NCOA7: variants seen among roughly 807,000 people sequenced by gnomAD.
NCOA7 encodes the protein nuclear receptor coactivator 7.
In NCOA7, 45 loss-of-function variants were observed where a neutral mutation model predicts 104.3. The observed-to-expected ratio is 0.43, with a 90% CI of 0.34 to 0.55. The LOEUF (loss-of-function observed/expected upper bound fraction) is 0.55. Ranked by LOEUF, NCOA7 falls within the 20% of genes least tolerant of loss-of-function variation. The pLI is 0.02. For missense variants in NCOA7, 1,041 were observed against 1,119.7 expected, an observed-to-expected ratio of 0.93 and a Z score of 1.00; for synonymous variants, 398 against 402.3, an observed-to-expected ratio of 0.99 and a Z score of 0.13.
In NCOA7 at chr6:125,890,675, C is replaced by G. The variant is rs145818990; in HGVS notation, c.1961C>G (p.Thr654Ser). ...CCTTCAAAAGAAGAAAAAAGCAAGA[C>G]CCCACCCATGTTCCTGTGCATCAAA... ...ILPSKEEKSKTPPMFLCIKVG... is the reference protein window; with the variant it reads ...ILPSKEEKSKSPPMFLCIKVG... Residue 654 changes from threonine to serine, a missense_variant, in exon 10 of 16, where the codon ACC (threonine) becomes AGC (serine). Physicochemically the swap from Thr to Ser is moderately conservative, Grantham distance 58. Transcript: ENST00000392477. The G allele has an allele frequency of 6.2e-7, 1 of 1,613,188 alleles. No homozygotes were observed. Among genetic ancestry groups the G allele is most frequent in the Non-Finnish European group, 8.5e-7 (1 of 1,179,588 alleles).
intron 10 of NCOA7, among the ~76,000 whole-genome samples, chr6:125,902,866 A>G (rs1223049437): frequency 6.6e-6 from 1 of 152,228 alleles, no homozygotes; most frequent in Non-Finnish European, 1.5e-5. Flanking sequence ...TCTGTTTCTC[A>G]TGCATTAAAT....
chr6:125,794,452 C>T (rs1375400129), intron 1 of NCOA7, among the ~76,000 whole-genome samples: 2 of 152,160 alleles, frequency 1.3e-5, no homozygotes, highest in Non-Finnish European at 2.9e-5. Flanking sequence ...TGGTCTTGAG[C>T]TTCTGTTCTA....
intron 2 of NCOA7, among the ~76,000 whole-genome samples, chr6:125,854,324 A>T (rs1781372763): frequency 6.6e-6 from 1 of 152,218 alleles, no homozygotes; most frequent in African/African-American, 2.4e-5. Context: ...TCAGTGAATT[A>T]TGCTAACTTT....
intron 3 of NCOA7, among the ~76,000 whole-genome samples, chr6:125,872,771 G>T (rs1783041410): frequency 6.6e-6 from 1 of 152,144 alleles, no homozygotes; most frequent in Admixed American, 6.5e-5. Context: ...GTAAAATATG[G>T]TGATTGCACT....
At chr6:125,815,463 T>G (rs1777502281) in intron 2 of NCOA7, 59 bp downstream of exon 2, 1 of 1,401,824 alleles carries the variant, frequency 7.1e-7, no homozygotes, top group Non-Finnish European at 1.0e-6. Context: ...TGAGGGGACT[T>G]TGTCCTCAAG....
chr6:125,836,935 A>G (rs1280505610), intron 2 of NCOA7, among the ~76,000 whole-genome samples: 1 of 152,234 alleles, frequency 6.6e-6, no homozygotes, highest in African/African-American at 2.4e-5. Flanking sequence ...CATATTAAGT[A>G]TGAAGAAACA....
At chr6:125,922,934 A>C in intron 13 of NCOA7, 100 bp downstream of exon 13, 1 of 1,114,694 alleles carries the variant, frequency 9.0e-7, no homozygotes, top group South Asian at 2.0e-5. Flanking sequence ...CCCAGATTCC[A>C]CAGTTAACAG....
intron 2 of NCOA7, among the ~76,000 whole-genome samples, chr6:125,840,912 A>T (rs1201185604): frequency 2.4e-4 from 7 of 28,616 alleles, no homozygotes; most frequent in East Asian, 2.1e-3. Flanking sequence ...TTTTTTTTTG[A>T]GACAGAGTCT....
chr6:125,788,510 C>A (rs576874568), upstream of NCOA7, among the ~76,000 whole-genome samples: 22 of 150,890 alleles, frequency 1.5e-4, no homozygotes, highest in East Asian at 3.9e-3. Context: ...AAGATGGATT[C>A]TTACATTCCT....
intron 1 of NCOA7, among the ~76,000 whole-genome samples, chr6:125,784,861 C>T (rs567444729): frequency 2.0e-5 from 3 of 152,054 alleles, no homozygotes; most frequent in African/African-American, 7.2e-5. Context: ...TAGTGGTTGC[C>T]AGAAATAGGG....
intron 8 of NCOA7, among the ~76,000 whole-genome samples, 191 bp from the exon 9 acceptor site, chr6:125,888,748 T>C (rs1784423734): frequency 6.6e-6 from 1 of 152,220 alleles, no homozygotes; most frequent in African/African-American, 2.4e-5. Context: ...AGTTGACCTA[T>C]GTTTTATTTT....
chr6:125,877,896 G>A (rs1354520756), intron 4 of NCOA7, among the ~76,000 whole-genome samples: 1 of 152,176 alleles, frequency 6.6e-6, no homozygotes, highest in Admixed American at 6.5e-5. Flanking sequence ...AATTATAAGA[G>A]AGAAAGTAGC....
intron 3 of NCOA7, among the ~76,000 whole-genome samples, chr6:125,864,219 G>T (rs1287341052): frequency 7.3e-6 from 1 of 137,628 alleles, no homozygotes; most frequent in Non-Finnish European, 1.5e-5. Context: ...AATACTATGT[G>T]CCATTTTAAA....
At chr6:125,820,343 A>C (rs918392381) in intron 2 of NCOA7, among the ~76,000 whole-genome samples, 1 of 152,154 alleles carries the variant, frequency 6.6e-6, no homozygotes, top group Non-Finnish European at 1.5e-5. Context: ...AGCTTCCTTT[A>C]CCTTACATTT....
rs1346605915 is a variant in NCOA7, at chr6:125,929,491, T to C, written c.*720T>C. The C allele has an allele frequency of 1.3e-5, 2 of 151,460 alleles. No individual in the cohort carries two copies. The highest frequency in any genetic ancestry group is 2.4e-5 in the African/African-American group (1 of 41,350). The allele number at this position is 151,460 out of a possible 1,614,324, so 9.4% of individuals were successfully genotyped here. On this transcript the variant is annotated 3_prime_UTR_variant, in exon 16 of 16. Coordinates refer to ENST00000392477, the MANE Select transcript of NCOA7 (RefSeq NM_181782.5). ...CTGTATGTGGGTATATAGAGATATA[T>C]GTGTGTGTGTATGTATATGTACATA... is the stretch of plus-strand genomic sequence containing the variant.
intron 3 of NCOA7, among the ~76,000 whole-genome samples, chr6:125,866,721 C>T (rs921713648): frequency 2.0e-5 from 3 of 152,178 alleles, no homozygotes; most frequent in Non-Finnish European, 4.4e-5. Flanking sequence ...AATCCAGCCT[C>T]CTCTCATTTA....
chr6:125,805,710 A>T (rs1443829740), intron 1 of NCOA7, among the ~76,000 whole-genome samples: 3 of 152,220 alleles, frequency 2.0e-5, no homozygotes, highest in Non-Finnish European at 4.4e-5. Flanking sequence ...ATGTTCAATA[A>T]ATATTTAACT....
chr6:125,900,812 A>T (rs1428411912), intron 10 of NCOA7, among the ~76,000 whole-genome samples: 1 of 152,218 alleles, frequency 6.6e-6, no homozygotes, highest in African/African-American at 2.4e-5. Context: ...ACCCTTTAAA[A>T]ATGGACATTA....
At chr6:125,799,789 T>C (rs1775719130) in intron 1 of NCOA7, among the ~76,000 whole-genome samples, 1 of 152,160 alleles carries the variant, frequency 6.6e-6, no homozygotes. Context: ...TTACTCAATG[T>C]CCTTCTATTT....
Sources: gnomAD v4.1 joint callset for allele counts (sites outside exome capture counted in the v4.1 genomes callset) on GRCh38, gnomAD v4.1.1 for gene constraint, MANE v1.5 for transcripts, NCBI Gene and HGNC (gene_info 2026-07-23, HGNC 2026-07-21) for gene names.